The following CEP112 variants were observed in gnomAD, a reference collection of about 807,000 sequenced individuals.
CEP112 encodes the protein centrosomal protein 112.
CEP112 carries 127 observed loss-of-function variants against 153.0 expected under a neutral mutation model. The observed-to-expected ratio is 0.83, with a 90% CI of 0.72 to 0.96. The LOEUF (loss-of-function observed/expected upper bound fraction) is 0.96, where lower values mean the gene tolerates loss of function less well. Among genes scored for constraint, CEP112 ranks in the 40% least tolerant of loss-of-function variants. The probability of loss-of-function intolerance (pLI) is 0.00; values close to 1 mark genes in which losing one functional copy is unlikely to be tolerated. For missense variants in CEP112, 1,089 were observed against 1,101.2 expected, an observed-to-expected ratio of 0.99 and a Z score of 0.16; for synonymous variants, 358 against 374.4, an observed-to-expected ratio of 0.96 and a Z score of 0.51.
intron 19 of CEP112, among the ~76,000 whole-genome samples, chr17:65,912,108 G>A (rs1459607823): frequency 6.6e-6 from 1 of 152,126 alleles, no homozygotes; most frequent in East Asian, 1.9e-4. Context: ...ACCCTAAGTG[G>A]AAAACTGTTT....
At chr17:65,650,076 A>G (rs1347184378) in intron 24 of CEP112, among the ~76,000 whole-genome samples, 1 of 152,222 alleles carries the variant, frequency 6.6e-6, no homozygotes, top group Non-Finnish European at 1.5e-5. Context: ...CTGGAATACC[A>G]GACATGTTTG....
chr17:66,099,874 G>T (rs1459609468), intron 6 of CEP112, among the ~76,000 whole-genome samples: 1 of 152,044 alleles, frequency 6.6e-6, no homozygotes, highest in Non-Finnish European at 1.5e-5. Flanking sequence ...ATACACCAGG[G>T]TTTTTGTGCA....
intron 23 of CEP112, among the ~76,000 whole-genome samples, chr17:65,724,672 C>T (rs1455321238): frequency 1.3e-5 from 2 of 152,164 alleles, no homozygotes; most frequent in African/African-American, 4.8e-5. Flanking sequence ...AAAAATTATA[C>T]ATATGTCTCA....
At chr17:65,935,751 T>C (rs562840346) in intron 18 of CEP112, among the ~76,000 whole-genome samples, 6 of 151,570 alleles carry the variant, frequency 4.0e-5, no homozygotes, top group Admixed American at 6.6e-5. Flanking sequence ...TTATGGGATA[T>C]AGCAAAAGGA....
chr17:66,192,007 C>A lies in CEP112; in HGVS notation c.-19G>T. On this transcript the variant is annotated 5_prime_UTR_variant, in exon 1 of 27. Coordinates refer to ENST00000535342, the MANE Select transcript of CEP112 (RefSeq NM_001199165.4). The stretch of plus-strand genomic sequence containing the variant: ...GAAAAAAACGAGAACCTGGCACCAC[C>A]ACACGCAAGCTTTCCGCTCGGCCGC... The A allele has an allele frequency of 6.5e-6, 1 of 154,094 alleles. No individual in the cohort carries two copies. Among genetic ancestry groups the A allele is most frequent in the South Asian group, 1.8e-4 (1 of 5,684 alleles). 9.5% of individuals were successfully genotyped at this position (154,094 alleles called of 1,614,324 possible).
intron 1 of CEP112, among the ~76,000 whole-genome samples, chr17:66,186,508 C>T (rs2146939155): frequency 6.6e-6 from 1 of 152,256 alleles, no homozygotes; most frequent in African/African-American, 2.4e-5. Context: ...CCAGGCTGGT[C>T]TTGATCTCCT....
intron 19 of CEP112, among the ~76,000 whole-genome samples, chr17:65,909,747 G>A (rs901828031): frequency 6.6e-6 from 1 of 152,104 alleles, no homozygotes; most frequent in African/African-American, 2.4e-5. Context: ...TAATAACTTG[G>A]CCACAAATTT....
chr17:66,174,207 C>T (rs111359033), intron 4 of CEP112, among the ~76,000 whole-genome samples: 197 of 152,336 alleles, frequency 1.3e-3, no homozygotes, highest in African/African-American at 4.6e-3. Flanking sequence ...GGATGACAGG[C>T]GTGAGCCACC....
At chr17:66,145,139 T>C (rs542007162) in intron 4 of CEP112, among the ~76,000 whole-genome samples, 1 of 152,352 alleles carries the variant, frequency 6.6e-6, no homozygotes, top group African/African-American at 2.4e-5. Context: ...ATTTCCCTGC[T>C]AAAGAATGCT....
intron 12 of CEP112, among the ~76,000 whole-genome samples, chr17:66,033,942 T>G (rs1029094955): frequency 2.0e-5 from 3 of 151,714 alleles, no homozygotes; most frequent in Non-Finnish European, 4.4e-5. Flanking sequence ...TATATGCAGA[T>G]TTTTTTTTCA....
At chr17:65,660,749 A>G (rs2046349697) in intron 24 of CEP112, among the ~76,000 whole-genome samples, 1 of 151,728 alleles carries the variant, frequency 6.6e-6, no homozygotes, top group African/African-American at 2.4e-5. Flanking sequence ...GGTTTTTGCC[A>G]TGTTGCCCAG....
At chr17:65,864,429 C>G (rs185158404) in intron 20 of CEP112, among the ~76,000 whole-genome samples, 24 of 152,308 alleles carry the variant, frequency 1.6e-4, no homozygotes, top group Admixed American at 1.3e-3. Context: ...TTCCTCATCA[C>G]TGGAAATTTC....
At position 66,053,790 on chromosome 17, in the gene CEP112, T is replaced by C; in HGVS notation, c.1164A>G (p.Thr388=). The C allele has an allele frequency of 6.2e-7, 1 of 1,613,744 alleles. No individual in the cohort carries two copies. Among genetic ancestry groups the C allele is most frequent in the Non-Finnish European group, 8.5e-7 (1 of 1,179,770 alleles). The part of the protein sequence containing the change: ...TENIQELLED[T]NVRLNKMESE... ...TCTCCATTTTATTCAGACGCACATT[T>C]GTATCCTCAAGCAATTCTTGAATGT... Residue 388 remains threonine (T), a synonymous_variant, in exon 12 of 27, where the codon ACA becomes ACG. Transcript: ENST00000535342.
chr17:66,080,788 T>C (rs1810815662), intron 8 of CEP112, among the ~76,000 whole-genome samples: 1 of 152,038 alleles, frequency 6.6e-6, no homozygotes, highest in Non-Finnish European at 1.5e-5. Context: ...ATAGACTGAA[T>C]AAAGAAAATG....
In CEP112 at chr17:65,651,492, T is replaced by C. The variant is rs535428968; in HGVS notation, c.2698-10427A>G. On this transcript the variant is annotated intron_variant, in intron 24 of 26. Coordinates refer to ENST00000535342, the MANE Select transcript of CEP112 (RefSeq NM_001199165.4). Reference sequence around the variant, plus strand: ...GCTGGATCAAGTGATAGTTCTACTCTCTCTTCTTTAAGAAATATCCACACT... The same window carrying C: ...GCTGGATCAAGTGATAGTTCTACTCCCTCTTCTTTAAGAAATATCCACACT... Among the ~76,000 whole-genome samples, 7 of 152,328 alleles carry C rather than the reference T, an allele frequency of 4.6e-5. No homozygotes were observed. In the East Asian group the frequency reaches 1.4e-3, roughly 29 times the overall value.
chr17:66,097,324 C>T (rs1355886739), intron 6 of CEP112, among the ~76,000 whole-genome samples: 1 of 152,122 alleles, frequency 6.6e-6, no homozygotes, highest in Admixed American at 6.6e-5. Context: ...AATCATCTCC[C>T]CCAGGAAACC....
chr17:65,971,611 TTA>T (rs1555740747), intron 17 of CEP112, among the ~76,000 whole-genome samples: 1 of 147,456 alleles, frequency 6.8e-6, no homozygotes, highest in Non-Finnish European at 1.5e-5. Flanking sequence ...TGTGTGCATA[TTA>T]TATGTATATC....
At chr17:65,887,017 T>A (rs1402189335) in intron 20 of CEP112, among the ~76,000 whole-genome samples, 1 of 152,166 alleles carries the variant, frequency 6.6e-6, no homozygotes, top group Non-Finnish European at 1.5e-5. Flanking sequence ...TTCTAACATG[T>A]CAATTTGATT....
intron 24 of CEP112, among the ~76,000 whole-genome samples, chr17:65,642,820 A>AT (rs555818875): frequency 1.1e-4 from 16 of 151,672 alleles, no homozygotes; most frequent in Admixed American, 4.6e-4. Flanking sequence ...TATATTGACT[A>AT]TTTTTTTTTC....
Sources: gnomAD v4.1 joint callset for allele counts (sites outside exome capture counted in the v4.1 genomes callset) on GRCh38, gnomAD v4.1.1 for gene constraint, MANE v1.5 for transcripts, NCBI Gene and HGNC (gene_info 2026-07-23, HGNC 2026-07-21) for gene names.